Variants in ANO6 observed in about 807,000 individuals in gnomAD.
The protein encoded by ANO6 is anoctamin-6.
A neutral mutation model predicts 117.5 loss-of-function variants in ANO6; 106 were observed. That is an observed-to-expected ratio of 0.90 (90% CI 0.77 to 1.06). The LOEUF (loss-of-function observed/expected upper bound fraction) is 1.06. Ranked by LOEUF, ANO6 falls within the 50% of genes least tolerant of loss-of-function variation. The probability of loss-of-function intolerance (pLI) is 0.00; values close to 1 mark genes in which losing one functional copy is unlikely to be tolerated. For missense variants in ANO6, 955 were observed against 1,121.1 expected (o/e 0.85, Z 2.12); for synonymous variants, 367 against 385.1 (o/e 0.95, Z 0.55).
At chr12:45,319,337 T>A (rs548833548) in intron 2 of ANO6, among the ~76,000 whole-genome samples, 16 of 152,360 alleles carry the variant, frequency 1.1e-4, no homozygotes, top group African/African-American at 3.6e-4. Context: ...AGCTGTTGAA[T>A]TTTGTCGAAG....
intron 3 of ANO6, among the ~76,000 whole-genome samples, chr12:45,339,802 G>A (rs11836806): frequency 0.012 from 1,887 of 151,960 alleles, 40 homozygotes; most frequent in African/African-American, 0.041. Context: ...TTTCTCTTGC[G>A]TTTTTGTAGG....
At chr12:45,344,925 G>A (rs754971306) in intron 3 of ANO6, among the ~76,000 whole-genome samples, 11 of 152,112 alleles carry the variant, frequency 7.2e-5, no homozygotes, top group Admixed American at 7.2e-4. Context: ...GATGAATTGC[G>A]GAGCTGGTGG....
At chr12:45,376,356 A>G (rs1942017300) in intron 9 of ANO6, among the ~76,000 whole-genome samples, 1 of 133,268 alleles carries the variant, frequency 7.5e-6, no homozygotes, top group Admixed American at 7.5e-5. Flanking sequence ...TACTGGGTAT[A>G]TACCCAAAGG....
intron 11 of ANO6, among the ~76,000 whole-genome samples, chr12:45,388,625 A>G (rs952013489): frequency 2.0e-5 from 3 of 152,222 alleles, no homozygotes; most frequent in Non-Finnish European, 2.9e-5. Flanking sequence ...TGATATAAGG[A>G]AAGAGGCACT....
intron 15 of ANO6, among the ~76,000 whole-genome samples, chr12:45,407,083 A>G (rs1275142604): frequency 2.0e-5 from 3 of 152,176 alleles, no homozygotes; most frequent in Non-Finnish European, 2.9e-5. Context: ...TGAAGTCAAG[A>G]TTGAGCTCCC....
At chr12:45,259,133 T>G (rs771775197) in intron 1 of ANO6, among the ~76,000 whole-genome samples, 1 of 152,132 alleles carries the variant, frequency 6.6e-6, no homozygotes, top group Non-Finnish European at 1.5e-5. Flanking sequence ...GGCAGAAGCT[T>G]TACATGGAAC....
chr12:45,311,179 CTG>C (rs746153380), intron 2 of ANO6, among the ~76,000 whole-genome samples: 2 of 151,920 alleles, frequency 1.3e-5, no homozygotes, highest in Non-Finnish European at 2.9e-5. Flanking sequence ...ATTCTTAAAA[CTG>C]TGGAATAATG....
intron 16 of ANO6, among the ~76,000 whole-genome samples, chr12:45,413,346 A>G (rs1943134744): frequency 6.6e-6 from 1 of 152,212 alleles, no homozygotes; most frequent in Non-Finnish European, 1.5e-5. Context: ...TGAGGAATAA[A>G]ATTAAGATAA....
chr12:45,344,515 C>A (rs1352859809), intron 3 of ANO6, among the ~76,000 whole-genome samples: 1 of 152,038 alleles, frequency 6.6e-6, no homozygotes, highest in East Asian at 1.9e-4. Flanking sequence ...AGGGGAGATG[C>A]TACAAACTTT....
At chr12:45,407,048 A>G (rs922673540) in intron 15 of ANO6, among the ~76,000 whole-genome samples, 5 of 152,180 alleles carry the variant, frequency 3.3e-5, no homozygotes, top group Non-Finnish European at 7.3e-5. Flanking sequence ...ATATTTTTCT[A>G]AAAGTTCTGT....
intron 1 of ANO6, among the ~76,000 whole-genome samples, chr12:45,238,424 T>G (rs1947683034): frequency 6.6e-6 from 1 of 152,112 alleles, no homozygotes; most frequent in African/African-American, 2.4e-5. Context: ...GTGCTGGGAT[T>G]AGAGGTGGGA....
chr12:45,387,256 T>C (rs1463375591), intron 10 of ANO6, among the ~76,000 whole-genome samples: 3 of 152,236 alleles, frequency 2.0e-5, no homozygotes, highest in Non-Finnish European at 4.4e-5. Context: ...TTATTTACTA[T>C]TTAAAGTTAA....
chr12:45,285,971 T>C (rs1327536604), intron 1 of ANO6, among the ~76,000 whole-genome samples: 1 of 152,136 alleles, frequency 6.6e-6, no homozygotes, highest in Non-Finnish European at 1.5e-5. Flanking sequence ...AGATAGCCAT[T>C]GCGGTTGCTA....
chr12:45,280,585 T>C (rs1240383850), intron 1 of ANO6, among the ~76,000 whole-genome samples: 3 of 152,088 alleles, frequency 2.0e-5, no homozygotes, highest in African/African-American at 7.2e-5. Flanking sequence ...AAAAAGAAAA[T>C]TGGAGTCTTG....
intron 2 of ANO6, among the ~76,000 whole-genome samples, chr12:45,302,793 T>C (rs1440747442): frequency 2.0e-5 from 3 of 152,176 alleles, no homozygotes; most frequent in Non-Finnish European, 4.4e-5. Context: ...GGAACAAGTG[T>C]TTCTGTGACT....
At position 45,266,439 on chromosome 12, in the gene ANO6, T is replaced by C. The variant is rs528902101; in HGVS notation, c.71-35575T>C. 2.0e-5 allele frequency among the ~76,000 whole-genome samples: 3 copies of C among 152,348 alleles called. No homozygotes were observed. In the South Asian group the frequency reaches 6.2e-4, roughly 32 times the overall value. ...AAAAGATTAGGTTGGCACATAAATATGGCATATCATTTGTTTTTCCATACT... is the reference window on the plus strand; with the variant it reads ...AAAAGATTAGGTTGGCACATAAATACGGCATATCATTTGTTTTTCCATACT... On this transcript the variant is annotated intron_variant, in intron 1 of 19. Coordinates refer to ENST00000320560, the MANE Select transcript of ANO6 (RefSeq NM_001025356.3).
intron 8 of ANO6, among the ~76,000 whole-genome samples, chr12:45,359,027 G>A (rs977782921): frequency 2.0e-5 from 3 of 152,074 alleles, no homozygotes; most frequent in South Asian, 4.2e-4. Context: ...CAGGTGATCC[G>A]CCCGCCTCGG....
At chr12:45,382,772 T>C (rs12818836) in intron 10 of ANO6, among the ~76,000 whole-genome samples, 8,512 of 152,252 alleles carry the variant, frequency 0.056, 481 homozygotes, top group East Asian at 0.32. Flanking sequence ...AAAATGTACA[T>C]ACCTTAATTA....
At chr12:45,280,741 T>A (rs991555602) in intron 1 of ANO6, among the ~76,000 whole-genome samples, 1 of 152,100 alleles carries the variant, frequency 6.6e-6, no homozygotes, top group African/African-American at 2.4e-5. Flanking sequence ...GGCCTCTCAG[T>A]AGATCATTTT....
Sources: gnomAD v4.1 joint callset for allele counts (sites outside exome capture counted in the v4.1 genomes callset) on GRCh38, gnomAD v4.1.1 for gene constraint, MANE v1.5 for transcripts, NCBI Gene and HGNC (gene_info 2026-07-23, HGNC 2026-07-21) for gene names.